Variants in ZNF875 observed in about 807,000 individuals in gnomAD.
The protein encoded by ZNF875 is HKR1, GLI-Kruppel zinc finger family member.
ZNF875 carries 14 observed loss-of-function variants against 11.2 expected under a neutral mutation model. The observed-to-expected ratio is 1.26, with a 90% CI of 0.83 to 1.96. ZNF875 has a LOEUF of 1.96. Among genes scored for constraint, ZNF875 ranks in the 30% most tolerant of loss-of-function variants. The pLI, the probability that ZNF875 is intolerant of heterozygous loss-of-function variation, is 0.00. For synonymous variants in ZNF875, 301 were observed against 281.1 expected, an observed-to-expected ratio of 1.07 and a Z score of -0.71; for missense variants, 752 against 760.4, an observed-to-expected ratio of 0.99 and a Z score of 0.13.
At chr19:37,326,533 C>T (rs1268265131) in intron 4 of ZNF875, among the ~76,000 whole-genome samples, 1 of 151,662 alleles carries the variant, frequency 6.6e-6, no homozygotes, top group African/African-American at 2.4e-5. Context: ...GCCTTTTTGT[C>T]TTGGTTGGGT....
intron 2 of ZNF875, among the ~76,000 whole-genome samples, chr19:37,322,975 C>G (rs1447706963): frequency 1.3e-5 from 2 of 152,086 alleles, no homozygotes; most frequent in South Asian, 2.1e-4. Context: ...TACCCTCCCC[C>G]ACCCACTGCA....
intron 4 of ZNF875, among the ~76,000 whole-genome samples, chr19:37,325,772 A>G (rs2032332704): frequency 6.6e-6 from 1 of 152,054 alleles, no homozygotes; most frequent in African/African-American, 2.4e-5. Context: ...CAGTAGCACA[A>G]TCTTGACTCA....
At chr19:37,341,716 A>G (rs953737818) in intron 2 of ZNF875, among the ~76,000 whole-genome samples, 1 of 152,098 alleles carries the variant, frequency 6.6e-6, no homozygotes, top group African/African-American at 2.4e-5. Context: ...AGATCCCCAA[A>G]AGTTTCATCT....
chr19:37,334,392 C>T (rs1293421762), upstream of ZNF875, among the ~76,000 whole-genome samples: 1 of 152,246 alleles, frequency 6.6e-6, no homozygotes, highest in Non-Finnish European at 1.5e-5. Flanking sequence ...TTTGCAGAAT[C>T]CTTCGGCAGT....
upstream of ZNF875, among the ~76,000 whole-genome samples, chr19:37,331,186 CAAAA>C (rs71177440): frequency 5.3e-5 from 4 of 74,778 alleles, no homozygotes; most frequent in African/African-American, 1.6e-4. Flanking sequence ...GACTCTGTCT[CAAAA>C]AAAAAAAAAA....
chr19:37,325,636 C>T (rs1250337979), intron 4 of ZNF875, among the ~76,000 whole-genome samples: 1 of 151,578 alleles, frequency 6.6e-6, no homozygotes, highest in East Asian at 1.9e-4. Context: ...GTCTCAAACT[C>T]CTGGGCTCAA....
intron 4 of ZNF875, among the ~76,000 whole-genome samples, chr19:37,356,064 A>G (rs553910807): frequency 1.3e-5 from 2 of 152,158 alleles, no homozygotes; most frequent in Non-Finnish European, 2.9e-5. Context: ...TTCACTTAGG[A>G]TGATGGCCTC....
At chr19:37,318,837 T>C (rs2030646349) in intron 1 of ZNF875, among the ~76,000 whole-genome samples, 1 of 152,052 alleles carries the variant, frequency 6.6e-6, no homozygotes, top group South Asian at 2.1e-4. Context: ...ATCATATTTC[T>C]TGTGGAAAAT....
intron 2 of ZNF875, among the ~76,000 whole-genome samples, chr19:37,339,764 C>T (rs373268102): frequency 2.0e-3 from 311 of 151,800 alleles, no homozygotes; most frequent in African/African-American, 6.7e-3. Context: ...AGGGTTTCAC[C>T]ATATTGGCCA....
At chr19:37,353,500 T>C (rs1430793417) in intron 4 of ZNF875, among the ~76,000 whole-genome samples, 1 of 152,232 alleles carries the variant, frequency 6.6e-6, no homozygotes, top group Non-Finnish European at 1.5e-5. Flanking sequence ...TTTATATCTG[T>C]CACATTTCTT....
At chr19:37,317,478 C>T (rs2030309407), upstream of ZNF875, among the ~76,000 whole-genome samples, 1 of 152,194 alleles carries the variant, frequency 6.6e-6, no homozygotes, top group Non-Finnish European at 1.5e-5. Context: ...CTGGCACTAG[C>T]CTGTTTTTTG....
upstream of ZNF875, among the ~76,000 whole-genome samples, chr19:37,332,650 T>G (rs191842131): frequency 2.0e-5 from 3 of 152,384 alleles, no homozygotes; most frequent in Non-Finnish European, 4.4e-5. Context: ...CAGGCCAGTT[T>G]CTTCTTTAAC....
Position 37,363,622 on chromosome 19 carries a change from C to T in ZNF875, c.1770C>T (p.Cys590=), listed in dbSNP as rs1374371301. The change falls in exon 5 of 5, where the codon TGC becomes TGT. Residue 590 remains cysteine (C), a synonymous_variant. Transcript: ENST00000392153. ...RAHAGGKPHV[C]RECGQGFSRQ... ...ACGCAGGGGGGAAGCCTCATGTGTG[C>T]AGGGAGTGTGGGCAAGGCTTTAGCC... The T allele has an allele frequency of 1.9e-6, 3 of 1,612,650 alleles. No individual in the cohort carries two copies. Among genetic ancestry groups the T allele is most frequent in the Admixed American group, 3.3e-5 (2 of 59,898 alleles).
chr19:37,322,994 C>CATTT (rs944238488), intron 2 of ZNF875, among the ~76,000 whole-genome samples: 1 of 151,934 alleles, frequency 6.6e-6, no homozygotes, highest in Admixed American at 6.6e-5. Flanking sequence ...CAAGCTTGAA[C>CATTT]ATTTGATGGT....
intron 3 of ZNF875, among the ~76,000 whole-genome samples, chr19:37,323,863 T>A (rs1449521106): frequency 6.6e-6 from 1 of 152,088 alleles, no homozygotes; most frequent in Non-Finnish European, 1.5e-5. Flanking sequence ...GATCGCTCCG[T>A]TCAAATGCAC....
At chr19:37,353,728 T>C (rs1341924756) in intron 4 of ZNF875, among the ~76,000 whole-genome samples, 3 of 152,224 alleles carry the variant, frequency 2.0e-5, no homozygotes, top group African/African-American at 4.8e-5. Flanking sequence ...CTGGCTTTCA[T>C]AGTTTTGTAA....
chr19:37,319,422 G>C (rs754743518), intron 1 of ZNF875, among the ~76,000 whole-genome samples: 1 of 146,134 alleles, frequency 6.8e-6, no homozygotes, highest in Non-Finnish European at 1.5e-5. Context: ...TTAATTGGTG[G>C]ATCTCTGACT....
upstream of ZNF875, among the ~76,000 whole-genome samples, chr19:37,313,744 TTG>T (rs61062343): frequency 0.017 from 2,563 of 150,088 alleles, 50 homozygotes; most frequent in African/African-American, 0.045. Context: ...TACACATCCA[TTG>T]TGTGTGTGTG....
intron 2 of ZNF875, among the ~76,000 whole-genome samples, chr19:37,340,276 C>T (rs942829698): frequency 6.6e-6 from 1 of 152,190 alleles, no homozygotes; most frequent in Non-Finnish European, 1.5e-5. Context: ...GCCACCACGC[C>T]CAGCCCTACT....
Sources: allele counts gnomAD v4.1 joint callset (sites outside exome capture counted in the v4.1 genomes callset), GRCh38; gene constraint gnomAD v4.1.1; transcripts MANE v1.5; gene names NCBI Gene and HGNC (gene_info 2026-07-23, HGNC 2026-07-21).